The following POC1B variants were observed in gnomAD, a reference collection of about 807,000 sequenced individuals.
The protein encoded by POC1B is POC1 centriolar protein homolog B.
A neutral mutation model predicts 60.6 loss-of-function variants in POC1B; 44 were observed. The observed-to-expected ratio is 0.73, with a 90% CI of 0.57 to 0.93. The LOEUF is 0.93. Among genes scored for constraint, POC1B ranks in the 40% least tolerant of loss-of-function variants. The probability of loss-of-function intolerance (pLI) is 0.00; values close to 1 mark genes in which losing one functional copy is unlikely to be tolerated. For synonymous variants in POC1B, 180 were observed against 198.9 expected, an observed-to-expected ratio of 0.90 and a Z score of 0.80; for missense variants, 555 against 572.3, an observed-to-expected ratio of 0.97 and a Z score of 0.31.
chr12:89,523,536 GT>G, intron 2 of POC1B: 1 of 1,603,672 alleles, frequency 6.2e-7, no homozygotes, highest in Non-Finnish European at 8.5e-7. Context: ...ACAGCTCAAG[GT>G]TTTCACCTCC....
chr12:89,493,011 G>A (rs1010359736), intron 3 of POC1B, among the ~76,000 whole-genome samples: 5 of 152,092 alleles, frequency 3.3e-5, no homozygotes, highest in African/African-American at 1.2e-4. Flanking sequence ...AAATCCCAGC[G>A]TAAATGTGTC....
At chr12:89,453,831 TTC>T (rs1466375146) in intron 10 of POC1B, among the ~76,000 whole-genome samples, 1 of 152,238 alleles carries the variant, frequency 6.6e-6, no homozygotes, top group Non-Finnish European at 1.5e-5. Context: ...CATGGAAATA[TTC>T]TCTCTGTGTC....
chr12:89,500,381 C>A, intron 2 of POC1B: 1 of 1,501,370 alleles, frequency 6.7e-7, no homozygotes, highest in Non-Finnish European at 9.3e-7. Context: ...AGAAGCCTCT[C>A]TGCAGTTTGT....
At chr12:89,402,338 T>TACACACAC in the POC1B span, among the ~76,000 whole-genome samples, 6 of 149,042 alleles carry the variant, frequency 4.0e-5, no homozygotes, top group South Asian at 1.1e-3. Context: ...TTATCACAAA[T>TACACACAC]ACACACACAC....
intron 4 of POC1B, among the ~76,000 whole-genome samples, chr12:89,473,666 G>GA (rs1163868772): frequency 0.57 from 63,178 of 110,186 alleles, 17,431 homozygotes; most frequent in South Asian, 0.68. Context: ...CCTCAGAAAA[G>GA]AAAAAAAAAA....
chr12:89,484,219 T>G (rs1383919011), intron 4 of POC1B, among the ~76,000 whole-genome samples: 2 of 152,090 alleles, frequency 1.3e-5, no homozygotes, highest in Non-Finnish European at 1.5e-5. Flanking sequence ...GATAAAGAAA[T>G]AAACATGTGG....
chr12:89,468,400 TTTC>T (rs750000330), intron 7 of POC1B, among the ~76,000 whole-genome samples: 3 of 152,158 alleles, frequency 2.0e-5, no homozygotes, highest in Admixed American at 1.3e-4. Flanking sequence ...AGAGTAAGTA[TTTC>T]TTATCTCAAA....
intron 2 of POC1B, among the ~76,000 whole-genome samples, chr12:89,505,246 CA>C (rs1458377796): frequency 1.3e-5 from 2 of 152,108 alleles, no homozygotes; most frequent in Non-Finnish European, 2.9e-5. Flanking sequence ...TGGTTATAAC[CA>C]CTTTGAAAAT....
downstream of POC1B, among the ~76,000 whole-genome samples, chr12:89,415,512 G>A (rs1204891874): frequency 2.0e-5 from 3 of 151,982 alleles, no homozygotes; most frequent in Non-Finnish European, 2.9e-5. Flanking sequence ...GCGTGGTAGC[G>A]GGTGCCTGTA....
intron 10 of POC1B, chr12:89,426,683 G>C (rs1028503317): frequency 6.6e-6 from 1 of 152,056 alleles, no homozygotes; most frequent in African/African-American, 2.4e-5. Flanking sequence ...AATTAGCCAG[G>C]TGTGGTGGTA....
chr12:89,416,158 T>C (rs1324497294), downstream of POC1B, among the ~76,000 whole-genome samples: 4 of 152,128 alleles, frequency 2.6e-5, no homozygotes, highest in Admixed American at 2.6e-4. Context: ...ACGCCTGCCT[T>C]TTGGGTAGGT....
intron 2 of POC1B, chr12:89,524,507 G>A: frequency 6.2e-7 from 1 of 1,612,358 alleles, no homozygotes; most frequent in Non-Finnish European, 8.5e-7. Flanking sequence ...AAAAACGCCA[G>A]CAGCAGGCAG....
At chr12:89,512,928 T>C (rs528231286) in intron 2 of POC1B, among the ~76,000 whole-genome samples, 1 of 152,278 alleles carries the variant, frequency 6.6e-6, no homozygotes, top group South Asian at 2.1e-4. Flanking sequence ...TTTTAACCAA[T>C]AAACCAGTGC....
chr12:89,437,879 C>A (rs1881338355), intron 10 of POC1B, among the ~76,000 whole-genome samples: 1 of 151,376 alleles, frequency 6.6e-6, no homozygotes, highest in South Asian at 2.1e-4. Context: ...GAAACCCCAT[C>A]TCGACTAAAA....
chr12:89,473,655 G>A (rs116738528), intron 4 of POC1B, among the ~76,000 whole-genome samples: 1,138 of 98,722 alleles, frequency 0.012, 18 homozygotes, highest in African/African-American at 0.042. Context: ...AGCAAGACTC[G>A]CCTCAGAAAA....
At position 89,525,135 on chromosome 12, in the gene POC1B, T is replaced by A. The variant is rs1180166914; in HGVS notation, c.85A>T (p.Asn29Tyr). The change falls in exon 2 of 12, where the codon AAC (asparagine) becomes TAC (tyrosine). Residue 29 changes from asparagine (N) to tyrosine (Y), a missense_variant. By Grantham distance (143) the Asn-to-Tyr change is moderately radical. Transcript: ENST00000313546. ...TAAGACTTACCAAGTTGCTTGCCGT[T>A]GGGGCTGAGGTCCAAGGAGGTGATC... ...AAITSLDLSPNGKQLATASWD... is the reference protein window; with the variant it reads ...AAITSLDLSPYGKQLATASWD... 6.2e-7 allele frequency: 1 copy of A among 1,614,030 alleles called. No homozygotes were observed. The highest frequency in any genetic ancestry group is 1.1e-5 in the South Asian group (1 of 91,086).
intron 7 of POC1B, among the ~76,000 whole-genome samples, chr12:89,468,038 A>T (rs866669928): frequency 8.5e-5 from 13 of 152,248 alleles, no homozygotes; most frequent in African/African-American, 3.1e-4. Context: ...GCAGAAACTG[A>T]ATGATAAATA....
chr12:89,522,321 A>C, intron 2 of POC1B: 1 of 396,958 alleles, frequency 2.5e-6, no homozygotes, highest in Non-Finnish European at 4.4e-6. Flanking sequence ...GAAAAAAATT[A>C]GATTAAAAAA....
intron 3 of POC1B, among the ~76,000 whole-genome samples, chr12:89,493,405 A>T (rs1181972443): frequency 6.6e-6 from 1 of 152,244 alleles, no homozygotes; most frequent in Non-Finnish European, 1.5e-5. Flanking sequence ...CACTTGGAAC[A>T]GTCAATAAAG....
Sources: allele counts gnomAD v4.1 joint callset (sites outside exome capture counted in the v4.1 genomes callset), GRCh38; gene constraint gnomAD v4.1.1; transcripts MANE v1.5; gene names NCBI Gene and HGNC (gene_info 2026-07-23, HGNC 2026-07-21).